Variants in KIF14 observed in about 807,000 individuals in gnomAD.
KIF14 encodes the protein kinesin family member 14, also known as kinesin-like protein KIF14.
Under a neutral mutation model 176.2 loss-of-function variants are expected in KIF14, and 98 were observed. The ratio of observed to expected loss-of-function variants is 0.56; its 90% CI spans 0.47 to 0.66. KIF14 has a LOEUF of 0.66. Among genes scored for constraint, KIF14 ranks in the 30% least tolerant of loss-of-function variants. KIF14 has a pLI of 0.00. For missense variants in KIF14, 1,751 were observed against 1,920.4 expected (o/e 0.91, Z 1.65); for synonymous variants, 566 against 632.2 (o/e 0.90, Z 1.57).
At position 200,553,377 on chromosome 1, in the gene KIF14, C is replaced by CA; in HGVS notation, c.*10dup. On this transcript the variant is annotated 3_prime_UTR_variant, in exon 30 of 30. Coordinates refer to ENST00000367350, the MANE Select transcript of KIF14 (RefSeq NM_014875.3). ...TCATGGGTGGTCATAAAAGTGCCTACACATCAGTATTCACACCCACTGAAT... is the reference window on the plus strand; with the variant it reads ...TCATGGGTGGTCATAAAAGTGCCTACAACATCAGTATTCACACCCACTGAAT... 1 of 1,564,668 alleles carries CA rather than the reference C, an allele frequency of 6.4e-7. No homozygotes were observed. Among genetic ancestry groups the CA allele is most frequent in the Non-Finnish European group, 8.6e-7 (1 of 1,157,860 alleles).
In KIF14 at chr1:200,554,480, AAAT is replaced by A; in HGVS notation, c.4552_4554del (p.Ile1518del). ...TGGAGAATCATACCTTTCAGTGCAG[AAAT>A]AATAATTTCAATAGCTTTCTCTAAG... On this transcript the variant is annotated inframe_deletion, in exon 29 of 30. Transcript: ENST00000367350. 2 of 1,531,432 alleles carry A rather than the reference AAAT, an allele frequency of 1.3e-6. No homozygotes were observed. The highest frequency in any genetic ancestry group is 1.8e-6 in the Non-Finnish European group (2 of 1,111,318). The allele number at this position is 1,531,432 out of a possible 1,614,324, so 94.9% of individuals were successfully genotyped here. A position where few individuals can be genotyped will look rare whatever the true frequency, so the allele number is the denominator to read the frequency against.
rs761402473 is a variant in KIF14 at position 200,600,363 on chromosome 1, T to C, written c.2293A>G (p.Met765Val). 1.2e-6 allele frequency: 2 copies of C among 1,613,786 alleles called. No homozygotes were observed. Among genetic ancestry groups the C allele is most frequent in the Non-Finnish European group, 1.7e-6 (2 of 1,179,742 alleles). Residue 765 changes from methionine to valine, a missense_variant, in exon 12 of 30, where the codon ATG becomes GTG. Coordinates refer to ENST00000367350, the MANE Select transcript of KIF14 (RefSeq NM_014875.3). ...LHQQERDMAE[M>V]QRVWKEKFEQ... ...GTACTGACTGTACTCTACCTTTGCA[T>C]TTCTGCCATGTCTCTCTCCTGTTGA... is the stretch of plus-strand genomic sequence containing the variant.
At chr1:200,602,333 G>A (rs1028404715) in intron 10 of KIF14, among the ~76,000 whole-genome samples, 1 of 152,152 alleles carries the variant, frequency 6.6e-6, no homozygotes, top group Admixed American at 6.6e-5. Context: ...TTTCATGACT[G>A]TGAGCTACCA....
chr1:200,602,954 C>T (rs1337886419), intron 10 of KIF14, among the ~76,000 whole-genome samples: 6 of 152,162 alleles, frequency 3.9e-5, no homozygotes, highest in African/African-American at 1.4e-4. Flanking sequence ...GAATTGTACA[C>T]TAATAATCTA....
At chr1:200,595,485 G>C (rs1659283250) in intron 14 of KIF14, among the ~76,000 whole-genome samples, 3 of 152,194 alleles carry the variant, frequency 2.0e-5, no homozygotes, top group Non-Finnish European at 4.4e-5. Context: ...TAGAGAGTTA[G>C]AGGCAAGCAA....
chr1:200,614,985 C>T (rs61825083), intron 3 of KIF14, among the ~76,000 whole-genome samples: 43,787 of 151,998 alleles, frequency 0.29, 7,750 homozygotes, highest in Non-Finnish European at 0.41. Context: ...AATCCTCCTA[C>T]CTCAGCTTCC....
chr1:200,577,675 TG>T (rs936277314), intron 21 of KIF14, among the ~76,000 whole-genome samples: 1 of 149,718 alleles, frequency 6.7e-6, no homozygotes, highest in Non-Finnish European at 1.5e-5. Flanking sequence ...CACTCCAGCC[TG>T]GCAACGGAGT....
At chr1:200,588,118 C>T (rs1332644948) in intron 18 of KIF14, among the ~76,000 whole-genome samples, 1 of 152,142 alleles carries the variant, frequency 6.6e-6, no homozygotes, top group South Asian at 2.1e-4. Context: ...CAGTGGCTTG[C>T]AAACTTTAGT....
At chr1:200,607,606 A>C (rs115657341) in intron 5 of KIF14, among the ~76,000 whole-genome samples, 296 of 152,342 alleles carry the variant, frequency 1.9e-3, no homozygotes, top group African/African-American at 7.0e-3. Context: ...AGCTTTAAAC[A>C]TATAGAAATC....
chr1:200,602,682 C>T (rs934534753), intron 10 of KIF14, among the ~76,000 whole-genome samples: 45 of 152,204 alleles, frequency 3.0e-4, no homozygotes, highest in South Asian at 2.1e-4. Context: ...TATATTAATG[C>T]CTATCACAAC....
At chr1:200,571,778 T>A (rs1236641703) in intron 22 of KIF14, among the ~76,000 whole-genome samples, 1 of 152,004 alleles carries the variant, frequency 6.6e-6, no homozygotes, top group African/African-American at 2.4e-5. Context: ...TACTTAGGGG[T>A]GAAAAAAAGT....
intron 21 of KIF14, among the ~76,000 whole-genome samples, chr1:200,575,966 A>G (rs1658078750): frequency 6.6e-6 from 1 of 152,186 alleles, no homozygotes; most frequent in Non-Finnish European, 1.5e-5. Context: ...TAGTAAAAAC[A>G]TAAACAATAA....
At chr1:200,585,775 T>A (rs1000257655) in intron 19 of KIF14, among the ~76,000 whole-genome samples, 14 of 152,158 alleles carry the variant, frequency 9.2e-5, no homozygotes, top group African/African-American at 3.1e-4. Context: ...GCACTAATTC[T>A]ATCTATGAGG....
At chr1:200,586,379 T>A in intron 18 of KIF14, 152 bp from the exon 19 acceptor site, 1 of 540,484 alleles carries the variant, frequency 1.9e-6, no homozygotes, top group Non-Finnish European at 3.0e-6. Context: ...AACTTAAATA[T>A]ACACAATAAA....
chr1:200,586,633 T>C (rs1015885085), intron 18 of KIF14, among the ~76,000 whole-genome samples: 6 of 149,832 alleles, frequency 4.0e-5, no homozygotes, highest in Admixed American at 2.7e-4. Flanking sequence ...AAAAAAAAAC[T>C]AGAAAAAAAG....
At position 200,560,722 on chromosome 1, in the gene KIF14, C is replaced by T; in HGVS notation, c.4230G>A (p.Gln1410=). Reference sequence around the variant, plus strand: ...GTCTGAACTAACATTGCTAAATTACCTGGACACTGGCAGCTTTATTGTTAC... The same window carrying T: ...GTCTGAACTAACATTGCTAAATTACTTGGACACTGGCAGCTTTATTGTTAC... ...ENGNNKAASV[Q]EEFMDAVCDG... Residue 1410 remains glutamine, a splice_region_variant and synonymous_variant, in exon 26 of 30, where the codon CAG becomes CAA. Coordinates refer to ENST00000367350, the MANE Select transcript of KIF14 (RefSeq NM_014875.3). The T allele has an allele frequency of 1.9e-6, 3 of 1,614,118 alleles. No homozygotes were observed. Among genetic ancestry groups the T allele is most frequent in the South Asian group, 1.1e-5 (1 of 91,086 alleles).
In KIF14 at chr1:200,576,477, C is replaced by CAAAAAAAAA. The variant is rs34294441; in HGVS notation, c.3466-795_3466-787dup. Among the ~76,000 whole-genome samples, 47 of 87,458 alleles carry CAAAAAAAAA rather than the reference C, an allele frequency of 5.4e-4. No individual in the cohort carries two copies. In the South Asian group the frequency reaches 6.0e-3, roughly 11 times the overall value. 57.4% of individuals were successfully genotyped at this position (87,458 alleles called of 152,430 possible). A position where few individuals can be genotyped will look rare whatever the true frequency, so the allele number is the denominator to read the frequency against. On this transcript the variant is annotated intron_variant, in intron 21 of 29. Transcript: ENST00000367350. The stretch of plus-strand genomic sequence containing the variant: ...TGGGCGACAGAGCGAGACTCCGTCT[C>CAAAAAAAAA]AAAAAAAAAAAAAAAAAAAGTAGGA...
intron 6 of KIF14, among the ~76,000 whole-genome samples, chr1:200,606,326 AG>A (rs1558086450): frequency 6.6e-6 from 1 of 152,182 alleles, no homozygotes; most frequent in African/African-American, 2.4e-5. Flanking sequence ...TGGAAAAAAA[AG>A]TAAATGACTC....
intron 8 of KIF14, among the ~76,000 whole-genome samples, chr1:200,605,015 C>A (rs1355822020): frequency 6.6e-5 from 10 of 152,046 alleles, no homozygotes; most frequent in Admixed American, 6.6e-4. Flanking sequence ...GACCAAAAGT[C>A]ATTGAAACTA....
Sources: gnomAD v4.1 joint callset for allele counts (sites outside exome capture counted in the v4.1 genomes callset) on GRCh38, gnomAD v4.1.1 for gene constraint, MANE v1.5 for transcripts, NCBI Gene and HGNC (gene_info 2026-07-23, HGNC 2026-07-21) for gene names.